GRAMD1C: variants seen among roughly 807,000 people sequenced by gnomAD.
The protein encoded by GRAMD1C is GRAM domain containing 1C.
GRAMD1C carries 89 observed loss-of-function variants against 97.8 expected under a neutral mutation model. That is an observed-to-expected ratio of 0.91 (90% confidence interval 0.77 to 1.09). The LOEUF (loss-of-function observed/expected upper bound fraction) is 1.09. GRAMD1C is among the 50% of genes least tolerant of loss of function. GRAMD1C has a pLI of 0.00. For missense variants in GRAMD1C, 740 were observed against 766.4 expected (o/e 0.97, Z 0.41); for synonymous variants, 256 against 267.0 (o/e 0.96, Z 0.40).
intron 2 of GRAMD1C, among the ~76,000 whole-genome samples, chr3:113,849,347 G>A (rs9757643): frequency 0.024 from 3,587 of 150,940 alleles, 139 homozygotes; most frequent in African/African-American, 0.08. Flanking sequence ...CGCAGAGGGG[G>A]ATTTGGCAGG....
intron 6 of GRAMD1C, among the ~76,000 whole-genome samples, chr3:113,894,230 T>G (rs1197182270): frequency 2.0e-5 from 3 of 152,192 alleles, no homozygotes; most frequent in Non-Finnish European, 4.4e-5. Flanking sequence ...GCATTTAGGA[T>G]TACAGATATT....
chr3:113,913,429 CAAAAAAAAAAA>C (rs765510213), intron 9 of GRAMD1C, among the ~76,000 whole-genome samples: 3 of 68,298 alleles, frequency 4.4e-5, no homozygotes, highest in South Asian at 6.0e-4. Flanking sequence ...ACTCTGTCTC[CAAAAAAAAAAA>C]AAAAAAAAAA....
chr3:113,844,102 A>C (rs1169619154), intron 1 of GRAMD1C, among the ~76,000 whole-genome samples: 4 of 152,168 alleles, frequency 2.6e-5, no homozygotes, highest in Non-Finnish European at 5.9e-5. Flanking sequence ...CTAGCAAATA[A>C]TAGTAGTTGG....
chr3:113,932,985 G>C (rs1175434566), intron 11 of GRAMD1C, among the ~76,000 whole-genome samples: 1 of 151,332 alleles, frequency 6.6e-6, no homozygotes, highest in African/African-American at 2.4e-5. Flanking sequence ...GGGTTCAAGT[G>C]ATTCTCCTGC....
At chr3:113,855,774 G>A (rs1369169728) in intron 2 of GRAMD1C, among the ~76,000 whole-genome samples, 1 of 152,080 alleles carries the variant, frequency 6.6e-6, no homozygotes, top group Admixed American at 6.5e-5. Flanking sequence ...CTCTGGAGAA[G>A]ATGTTAGTAA....
At chr3:113,838,758 C>T (rs1709683945), upstream of GRAMD1C, 2 of 433,356 alleles carry the variant, frequency 4.6e-6, no homozygotes, top group Non-Finnish European at 7.6e-6. Context: ...TCACGGCCGC[C>T]AGAGGGCGCA....
At position 113,838,866 on chromosome 3, in the gene GRAMD1C, T is replaced by G. The variant is rs1337855607; in HGVS notation, c.-44T>G. On this transcript the variant is annotated 5_prime_UTR_variant, in exon 1 of 18. Transcript: ENST00000358160. ...TGGAGGTGGGCGCGGGGCGGTGCGG[T>G]GCGGTGCGCGCGGGGCGGTGCCGCG... 5 of 1,221,616 alleles carry G rather than the reference T, an allele frequency of 4.1e-6. No homozygotes were observed. Among genetic ancestry groups the G allele is most frequent in the Non-Finnish European group, 5.1e-6 (5 of 978,526 alleles). The allele number at this position is 1,221,616 out of a possible 1,614,324, so 75.7% of individuals were successfully genotyped here.
intron 2 of GRAMD1C, among the ~76,000 whole-genome samples, chr3:113,854,432 A>G (rs1193271407): frequency 6.6e-6 from 1 of 152,158 alleles, no homozygotes; most frequent in Non-Finnish European, 1.5e-5. Flanking sequence ...GATAGAAGAA[A>G]ATCTTAAAAA....
chr3:113,869,377 A>T, intron 2 of GRAMD1C, 130 bp from the exon 3 acceptor site: 1 of 597,110 alleles, frequency 1.7e-6, no homozygotes, highest in South Asian at 2.1e-5. Context: ...GTGTTTTTGA[A>T]ATGTTTATTT....
intron 10 of GRAMD1C, among the ~76,000 whole-genome samples, chr3:113,929,842 C>T (rs1264002946): frequency 6.6e-6 from 1 of 152,032 alleles, no homozygotes; most frequent in Non-Finnish European, 1.5e-5. Flanking sequence ...CACTTCCTTC[C>T]TTTGATGATG....
At chr3:113,921,655 G>C (rs535072401) in intron 10 of GRAMD1C, among the ~76,000 whole-genome samples, 5 of 152,136 alleles carry the variant, frequency 3.3e-5, no homozygotes, top group African/African-American at 1.2e-4. Context: ...TAGCCATTCT[G>C]TCTGGTGTGA....
chr3:113,845,694 G>A (rs1244433536), intron 2 of GRAMD1C, among the ~76,000 whole-genome samples: 2 of 151,972 alleles, frequency 1.3e-5, no homozygotes, highest in Non-Finnish European at 2.9e-5. Flanking sequence ...AACAGAGAGA[G>A]ACCCTGTCTC....
At chr3:113,865,426 G>A (rs750918700) in intron 2 of GRAMD1C, among the ~76,000 whole-genome samples, 19 of 152,108 alleles carry the variant, frequency 1.2e-4, no homozygotes, top group Admixed American at 3.3e-4. Context: ...CACTGAGACC[G>A]TTCAGACCAT....
chr3:113,838,777 C>A (rs1216152077), upstream of GRAMD1C: 7 of 515,822 alleles, frequency 1.4e-5, no homozygotes, highest in African/African-American at 6.0e-5. Context: ...CAAGGAGCTG[C>A]GGCTGGAAGT....
chr3:113,937,211 C>T (rs1937593916), intron 14 of GRAMD1C, among the ~76,000 whole-genome samples: 1 of 152,076 alleles, frequency 6.6e-6, no homozygotes. Flanking sequence ...ACTGTTATTC[C>T]CTTCCTCTCA....
intron 2 of GRAMD1C, among the ~76,000 whole-genome samples, chr3:113,846,732 T>G (rs1283422336): frequency 6.6e-6 from 1 of 152,138 alleles, no homozygotes; most frequent in Non-Finnish European, 1.5e-5. Context: ...GATTTTTAGG[T>G]GATTTACATT....
rs1237484305 is a variant in GRAMD1C, at chr3:113,911,600, CTTCT to C, written c.952+2481_952+2484del. The stretch of plus-strand genomic sequence containing the variant: ...AATTATTTCTTTCCTTCCTTCCTTC[CTTCT>C]CCCTCCCTCCTTCCCTTCCCTTCTT... On this transcript the variant is annotated intron_variant, in intron 9 of 17. Coordinates refer to ENST00000358160, the MANE Select transcript of GRAMD1C (RefSeq NM_017577.5). 2.6e-5 allele frequency among the ~76,000 whole-genome samples: 4 copies of C among 151,084 alleles called. No homozygotes were observed. The East Asian group carries it at 5.8e-4, about 22-fold the overall frequency.
At position 113,886,025 on chromosome 3, in the gene GRAMD1C, C is replaced by T; in HGVS notation, c.540+3193C>T. ...GCCGAAACCTTCACCAACATCGGCT[C>T]TGGTGACAGCTAATCCCCCTCCACT... On this transcript the variant is annotated intron_variant, in intron 6 of 17. Transcript: ENST00000358160. The T allele has an allele frequency of 2.4e-6, 3 of 1,233,806 alleles. No individual in the cohort carries two copies. In the South Asian group the frequency reaches 3.6e-5, roughly 15 times the overall value. The allele number at this position is 1,233,806 out of a possible 1,614,324, so 76.4% of individuals were successfully genotyped here.
At chr3:113,836,006 G>A (rs1008374167), upstream of GRAMD1C, among the ~76,000 whole-genome samples, 1 of 152,204 alleles carries the variant, frequency 6.6e-6, no homozygotes, top group Non-Finnish European at 1.5e-5. Context: ...GCTCACGCCT[G>A]TAATCTCAGC....
Sources: allele counts gnomAD v4.1 joint callset (sites outside exome capture counted in the v4.1 genomes callset), GRCh38; gene constraint gnomAD v4.1.1; transcripts MANE v1.5; gene names NCBI Gene and HGNC (gene_info 2026-07-23, HGNC 2026-07-21).